PTPN2: variants seen among roughly 807,000 people sequenced by gnomAD.
PTPN2 encodes tyrosine-protein phosphatase non-receptor type 2.
PTPN2 carries 19 observed loss-of-function variants against 57.3 expected under a neutral mutation model. The ratio of observed to expected loss-of-function variants is 0.33; its 90% CI spans 0.23 to 0.49. PTPN2 has a LOEUF of 0.49. Among genes scored for constraint, PTPN2 ranks in the 20% least tolerant of loss-of-function variants. The pLI is 0.99. For synonymous variants in PTPN2, 153 were observed against 164.9 expected, an observed-to-expected ratio of 0.93 and a Z score of 0.55; for missense variants, 358 against 501.1, an observed-to-expected ratio of 0.71 and a Z score of 2.73.
At chr18:12,786,058 G>A (rs954797345) in intron 9 of PTPN2, 22 of 546,682 alleles carry the variant, frequency 4.0e-5, no homozygotes, top group African/African-American at 5.9e-5. Flanking sequence ...GTGGTGTGAC[G>A]CGGCCTCATG....
At chr18:12,851,967 T>C (rs1174305681) in intron 2 of PTPN2, among the ~76,000 whole-genome samples, 1 of 152,032 alleles carries the variant, frequency 6.6e-6, no homozygotes, top group African/African-American at 2.4e-5. Flanking sequence ...TACTGCATGA[T>C]TACACATATA....
Position 12,793,123 on chromosome 18 carries a change from TTAAG to T in PTPN2, c.*1151_*1154del, listed in dbSNP as rs1263528618. ...TAAATTTGTAACAACAATTTCAAGT[TTAAG>T]TAAGACAAATTAAACACTGAATGGA... On this transcript the variant is annotated 3_prime_UTR_variant, in exon 9 of 9. Transcript: ENST00000309660. 62 of 984,922 alleles carry T rather than the reference TTAAG, an allele frequency of 6.3e-5. No homozygotes were observed. The highest frequency in any genetic ancestry group is 1.8e-4 in the Admixed American group (3 of 16,252). The allele number at this position is 984,922 out of a possible 1,614,324, so 61.0% of individuals were successfully genotyped here.
intron 2 of PTPN2, among the ~76,000 whole-genome samples, chr18:12,848,358 A>G (rs1213107761): frequency 6.6e-6 from 1 of 152,240 alleles, no homozygotes. Flanking sequence ...TGGTTTTAAA[A>G]TATGTCCACA....
intron 1 of PTPN2, among the ~76,000 whole-genome samples, chr18:12,870,479 A>AGAGAGG (rs2044224660): frequency 9.9e-6 from 1 of 101,296 alleles, no homozygotes; most frequent in African/African-American, 4.4e-5. Context: ...AGAGAGAGAG[A>AGAGAGG]GAGAGAGAGA....
chr18:12,834,619 G>A (rs1456479683), intron 3 of PTPN2, among the ~76,000 whole-genome samples: 1 of 151,982 alleles, frequency 6.6e-6, no homozygotes. Context: ...GTGAAATGCT[G>A]GCACCAAGAT....
In PTPN2 at chr18:12,794,428, C is replaced by T; in HGVS notation, c.1098G>A (p.Gln366=). 6.2e-7 allele frequency: 1 copy of T among 1,614,126 alleles called. No homozygotes were observed. Among genetic ancestry groups the T allele is most frequent in the Non-Finnish European group, 8.5e-7 (1 of 1,180,014 alleles). ...TCTCATTTAGCCTCTGTTTCATCTG[C>T]TGCACCTTCTGAGCTGTGGTGGCCT... The part of the protein sequence containing the change: ...DRKATTAQKV[Q]QMKQRLNENE... Residue 366 remains glutamine, a synonymous_variant, in exon 9 of 9, where the codon CAG becomes CAA. Coordinates refer to ENST00000309660, the MANE Select transcript of PTPN2 (RefSeq NM_002828.4).
chr18:12,813,325 G>A (rs781339239), intron 7 of PTPN2, among the ~76,000 whole-genome samples: 8 of 152,204 alleles, frequency 5.3e-5, no homozygotes, highest in Non-Finnish European at 1.0e-4. Flanking sequence ...AAAGTCTGGC[G>A]TCTGAAGCAG....
intron 8 of PTPN2, among the ~76,000 whole-genome samples, chr18:12,797,556 G>A (rs1175623669): frequency 6.6e-6 from 1 of 152,108 alleles, no homozygotes; most frequent in Non-Finnish European, 1.5e-5. Flanking sequence ...GAATGGACTA[G>A]AGACAAATAC....
chr18:12,870,063 C>T (rs967506489), intron 1 of PTPN2, among the ~76,000 whole-genome samples: 1 of 150,908 alleles, frequency 6.6e-6, no homozygotes, highest in Non-Finnish European at 1.5e-5. Context: ...CTTTGAGAAG[C>T]TCTCTTTGAG....
At chr18:12,819,960 G>A (rs567749992) in intron 5 of PTPN2, among the ~76,000 whole-genome samples, 1 of 152,328 alleles carries the variant, frequency 6.6e-6, no homozygotes, top group East Asian at 1.9e-4. Context: ...CCTTCATGTG[G>A]TCTGCTTTGA....
chr18:12,823,800 T>A (rs2042352922), intron 5 of PTPN2, among the ~76,000 whole-genome samples: 1 of 152,184 alleles, frequency 6.6e-6, no homozygotes. Flanking sequence ...AATACGGGGA[T>A]AATAAGAATA....
intron 7 of PTPN2, among the ~76,000 whole-genome samples, chr18:12,810,262 G>A (rs931215334): frequency 6.6e-6 from 1 of 152,122 alleles, no homozygotes; most frequent in Non-Finnish European, 1.5e-5. Context: ...TACTTGGGAG[G>A]CTGAGGCAGG....
downstream of PTPN2, chr18:12,788,025 ACTTCT>A (rs1184130311): frequency 2.6e-5 from 4 of 154,838 alleles, no homozygotes; most frequent in Non-Finnish European, 5.9e-5. Context: ...CTAATCAGAA[ACTTCT>A]CTTAAGGTGC....
At chr18:12,848,625 G>A (rs2043292039) in intron 2 of PTPN2, among the ~76,000 whole-genome samples, 1 of 152,210 alleles carries the variant, frequency 6.6e-6, no homozygotes, top group Admixed American at 6.5e-5. Context: ...CAGCCCAGTT[G>A]AGGTCACAGT....
intron 7 of PTPN2, among the ~76,000 whole-genome samples, chr18:12,805,208 G>T (rs567408061): frequency 1.9e-4 from 29 of 152,200 alleles, no homozygotes; most frequent in African/African-American, 6.0e-4. Flanking sequence ...TGTAATCCCA[G>T]CACTTTGGGA....
chr18:12,822,383 A>C (rs2042301426), intron 5 of PTPN2, among the ~76,000 whole-genome samples: 1 of 152,160 alleles, frequency 6.6e-6, no homozygotes. Flanking sequence ...AAAAAGAAAA[A>C]ACTGAAAGAC....
chr18:12,872,390 A>T (rs1175963838), intron 1 of PTPN2: 1 of 152,264 alleles, frequency 6.6e-6, no homozygotes, highest in East Asian at 1.9e-4. Flanking sequence ...AAAAAAGGTT[A>T]TAAATGATCA....
At chr18:12,863,672 T>G (rs1189242660) in intron 1 of PTPN2, 1 of 151,538 alleles carries the variant, frequency 6.6e-6, no homozygotes, top group East Asian at 1.9e-4. Context: ...CAACCAAAAC[T>G]CTCTCCAGGC....
intron 1 of PTPN2, among the ~76,000 whole-genome samples, chr18:12,872,612 A>G (rs2044307964): frequency 1.3e-5 from 2 of 152,168 alleles, no homozygotes; most frequent in Non-Finnish European, 2.9e-5. Context: ...CTTGACCACA[A>G]TTTCTTATCC....
Sources: allele counts gnomAD v4.1 joint callset (sites outside exome capture counted in the v4.1 genomes callset), GRCh38; gene constraint gnomAD v4.1.1; transcripts MANE v1.5; gene names NCBI Gene and HGNC (gene_info 2026-07-23, HGNC 2026-07-21).